RHCG: variants seen among roughly 807,000 people sequenced by gnomAD.
RHCG encodes Rh family C glycoprotein.
Under a neutral mutation model 55.3 loss-of-function variants are expected in RHCG, and 39 were observed. The ratio of observed to expected loss-of-function variants is 0.70; its 90% confidence interval spans 0.55 to 0.92. RHCG has a LOEUF of 0.92. RHCG is among the 40% of genes least tolerant of loss of function. The pLI, the probability that RHCG is intolerant of heterozygous loss-of-function variation, is 0.00. For synonymous variants in RHCG, 250 were observed against 246.8 expected (o/e 1.01, Z -0.12); for missense variants, 635 against 627.9 (o/e 1.01, Z -0.12).
intron 3 of RHCG, among the ~76,000 whole-genome samples, chr15:89,482,044 T>G (rs977252602): frequency 6.6e-6 from 1 of 152,124 alleles, no homozygotes; most frequent in Non-Finnish European, 1.5e-5. Context: ...TCAGGTGATC[T>G]GCCTGCCTCG....
chr15:89,486,755 T>A, intron 2 of RHCG, 44 bp downstream of exon 2: 3 of 1,544,688 alleles, frequency 1.9e-6, no homozygotes, highest in Non-Finnish European at 1.8e-6. Flanking sequence ...CCCAGCCCCA[T>A]CCCTCCCAGT....
chr15:89,478,087 G>T, intron 5 of RHCG, 113 bp from the exon 6 acceptor site: 2 of 1,384,092 alleles, frequency 1.4e-6, no homozygotes, highest in South Asian at 1.4e-5. Flanking sequence ...TGGGAGCCGG[G>T]GATGGCTGGG....
chr15:89,486,666 G>A (rs1433295278), intron 2 of RHCG, 133 bp downstream of exon 2: 1 of 638,518 alleles, frequency 1.6e-6, no homozygotes, highest in African/African-American at 1.9e-5. Context: ...AGCCCAGTGT[G>A]GCCCAAAGGA....
intron 1 of RHCG, among the ~76,000 whole-genome samples, chr15:89,489,772 C>A (rs28650833): frequency 0.042 from 6,332 of 152,254 alleles, 321 homozygotes; most frequent in African/African-American, 0.12. Context: ...ATTAGAGAGG[C>A]CTTCCTGACC....
intron 1 of RHCG, among the ~76,000 whole-genome samples, chr15:89,492,852 C>G (rs745855676): frequency 6.6e-6 from 1 of 152,198 alleles, no homozygotes; most frequent in Non-Finnish European, 1.5e-5. Context: ...AGCACTTACT[C>G]CCTTCTGGGG....
intron 5 of RHCG, 87 bp from the exon 6 acceptor site, chr15:89,478,061 G>A (rs1446948074): frequency 2.0e-6 from 3 of 1,485,530 alleles, no homozygotes; most frequent in African/African-American, 2.8e-5. Context: ...GCTGTGCAAG[G>A]GTGCAGCCTG....
intron 1 of RHCG, among the ~76,000 whole-genome samples, chr15:89,492,759 A>G (rs1156841048): frequency 2.6e-5 from 4 of 152,252 alleles, no homozygotes; most frequent in Non-Finnish European, 5.9e-5. Flanking sequence ...TTTAAATGCT[A>G]TAATAGTTCC....
At chr15:89,479,518 C>G in intron 4 of RHCG, 30 bp from the exon 5 acceptor site, 3 of 1,584,252 alleles carry the variant, frequency 1.9e-6, no homozygotes, top group Non-Finnish European at 1.7e-6. Context: ...CCAATGGGCC[C>G]GGGAGGAGAG....
Position 89,477,848 on chromosome 15 carries a change from C to A in RHCG, c.964G>T (p.Val322Leu). ...VCGIISTLGF[V>L]YLTPFLESRL... ...CCTGGGGCACTTACGGTCAGGTATA[C>A]AAAACCCAGGGTGGAGATGATGCCG... The change falls in exon 6 of 11, where the codon GTA becomes TTA. Residue 322 changes from valine to leucine, a missense_variant. Transcript: ENST00000268122. This position sits in a 1 kb window ranked among gnomAD's most constrained non-coding sequence, Gnocchi z 4.5. 6.2e-7 allele frequency: 1 copy of A among 1,614,090 alleles called. No homozygotes were observed. Among genetic ancestry groups the A allele is most frequent in the Non-Finnish European group, 8.5e-7 (1 of 1,179,986 alleles).
chr15:89,477,222 G>T lies in RHCG; in HGVS notation c.1113-16C>A. The stretch of plus-strand genomic sequence containing the variant: ...ATGGACAAGCCTGGGGTGGAGACAG[G>T]GGGCAGGTCAGGGCCCCATGGAGAG... On this transcript the variant is annotated splice_polypyrimidine_tract_variant and intron_variant, in intron 7 of 10. Coordinates refer to ENST00000268122, the MANE Select transcript of RHCG (RefSeq NM_016321.3). The surrounding 1 kb of genome is among the most constrained non-coding windows in gnomAD (Gnocchi z 4.5). The T allele has an allele frequency of 6.2e-7, 1 of 1,613,846 alleles. No homozygotes were observed. The highest frequency in any genetic ancestry group is 8.5e-7 in the Non-Finnish European group (1 of 1,179,942).
chr15:89,473,539 T>C (rs547447843), intron 9 of RHCG, among the ~76,000 whole-genome samples: 12 of 152,320 alleles, frequency 7.9e-5, no homozygotes, highest in Admixed American at 6.5e-4. Context: ...CAGCCCTCCA[T>C]ACCCATGGGT....
chr15:89,484,801 G>A (rs1448061669), intron 2 of RHCG, among the ~76,000 whole-genome samples: 4 of 145,114 alleles, frequency 2.8e-5, no homozygotes, highest in Admixed American at 1.4e-4. Context: ...AAAAAAAAAT[G>A]GAGAGAGAGA....
chr15:89,486,797 A>C lies in RHCG; in HGVS notation c.371+2T>G. The C allele has an allele frequency of 6.3e-7, 1 of 1,583,816 alleles. No homozygotes were observed. Among genetic ancestry groups the C allele is most frequent in the Non-Finnish European group, 8.6e-7 (1 of 1,158,970 alleles). Reference sequence around the variant, plus strand: ...CGCCCCCGGGGCCCGCCCTGCGCTCACTTCTCCACGCCCACGACGATGTAG... The same window carrying C: ...CGCCCCCGGGGCCCGCCCTGCGCTCCCTTCTCCACGCCCACGACGATGTAG... On this transcript the variant is annotated splice_donor_variant, in intron 2 of 10. Coordinates refer to ENST00000268122, the MANE Select transcript of RHCG (RefSeq NM_016321.3). LOFTEE classifies it high-confidence loss of function.
chr15:89,486,602 G>GTGTA, intron 2 of RHCG, 197 bp downstream of exon 2: 5 of 459,178 alleles, frequency 1.1e-5, no homozygotes, highest in Non-Finnish European at 2.1e-5. Context: ...GAGAGAGAGT[G>GTGTA]TGTGTGTGTG....
intron 9 of RHCG, among the ~76,000 whole-genome samples, chr15:89,474,859 TTCCTTCCTGCCTG>T (rs1961107612): frequency 7.3e-6 from 1 of 136,530 alleles, no homozygotes; most frequent in African/African-American, 2.8e-5. Context: ...CCTGCCTGCC[TTCCTTCCTGCCTG>T]CCTTCCTTCC....
intron 2 of RHCG, among the ~76,000 whole-genome samples, chr15:89,485,557 T>C (rs1961344328): frequency 6.6e-6 from 1 of 152,248 alleles, no homozygotes; most frequent in Admixed American, 6.5e-5. Flanking sequence ...TTAAAGGTGG[T>C]TTATACCAGT....
Position 89,486,809 on chromosome 15 carries a change from C to A in RHCG, c.361G>T (p.Gly121Cys). Reference sequence around the variant, plus strand: ...CCGCCCTGCGCTCACTTCTCCACGCCCACGACGATGTAGCGGTCTTGTAAG... The same window carrying A: ...CCGCCCTGCGCTCACTTCTCCACGCACACGACGATGTAGCGGTCTTGTAAG... ...HFLQDRYIVV[G>C]VENLINADFC... is the part of the protein sequence containing the mutation. Residue 121 changes from glycine to cysteine, a missense_variant, in exon 2 of 11, where the codon GGC (glycine) becomes TGC (cysteine). Coordinates refer to ENST00000268122, the MANE Select transcript of RHCG (RefSeq NM_016321.3). 6.3e-7 allele frequency: 1 copy of A among 1,590,346 alleles called. No homozygotes were observed. Among genetic ancestry groups the A allele is most frequent in the South Asian group, 1.1e-5 (1 of 89,504 alleles).
chr15:89,488,959 T>C (rs566497488), intron 1 of RHCG, among the ~76,000 whole-genome samples: 1 of 152,246 alleles, frequency 6.6e-6, no homozygotes, highest in African/African-American at 2.4e-5. Context: ...ACTGGAATAG[T>C]TAAGGGTAGA....
chr15:89,496,219 ATGCCC>A (rs1259002637), intron 1 of RHCG, 137 bp downstream of exon 1: 6 of 777,754 alleles, frequency 7.7e-6, no homozygotes, highest in Non-Finnish European at 1.3e-5. Flanking sequence ...TTTCCCACGC[ATGCCC>A]TGCAGAGGCC....
Sources: allele counts gnomAD v4.1 joint callset (sites outside exome capture counted in the v4.1 genomes callset), GRCh38; gene constraint gnomAD v4.1.1; non-coding constraint Gnocchi (gnomAD v3.1); transcripts MANE v1.5; gene names NCBI Gene and HGNC (gene_info 2026-07-23, HGNC 2026-07-21).